RCC1L: variants seen among roughly 807,000 people sequenced by gnomAD.
RCC1L encodes RCC1 like, also known as RCC1-like G exchanging factor-like protein.
Under a neutral mutation model 58.6 loss-of-function variants are expected in RCC1L, and 46 were observed. The ratio of observed to expected loss-of-function variants is 0.79; its 90% confidence interval spans 0.62 to 1.00. The LOEUF is 1.00. Among genes scored for constraint, RCC1L ranks in the 50% least tolerant of loss-of-function variants. RCC1L has a pLI of 0.00. For synonymous variants in RCC1L, 281 were observed against 262.9 expected, an observed-to-expected ratio of 1.07 and a Z score of -0.67; for missense variants, 636 against 623.6, an observed-to-expected ratio of 1.02 and a Z score of -0.21.
intron 7 of RCC1L, 71 bp downstream of exon 7, chr7:75,058,517 C>G: frequency 6.5e-7 from 1 of 1,532,844 alleles, no homozygotes; most frequent in Non-Finnish European, 8.8e-7. Flanking sequence ...AGGTGTGAGC[C>G]ACCACACCCG....
chr7:75,068,746 T>C (rs1394676171), intron 2 of RCC1L, among the ~76,000 whole-genome samples: 1 of 151,946 alleles, frequency 6.6e-6, no homozygotes, highest in African/African-American at 2.4e-5. Context: ...AAACAAAATA[T>C]ATGCTATGTA....
At chr7:75,062,323 G>A (rs1248452109) in intron 5 of RCC1L, among the ~76,000 whole-genome samples, 1 of 152,086 alleles carries the variant, frequency 6.6e-6, no homozygotes, top group Non-Finnish European at 1.5e-5. Flanking sequence ...TTTGAGACCA[G>A]CCTGGCCAGC....
chr7:75,071,335 C>G (rs1226078197), intron 1 of RCC1L, among the ~76,000 whole-genome samples: 1 of 152,078 alleles, frequency 6.6e-6, no homozygotes, highest in Non-Finnish European at 1.5e-5. Context: ...CATCCCCATT[C>G]ACCAAGATCA....
At position 75,070,714 on chromosome 7, in the gene RCC1L, T is replaced by A; in HGVS notation, c.380A>T (p.Asp127Val). 6.2e-7 allele frequency: 1 copy of A among 1,614,088 alleles called. No homozygotes were observed. Among genetic ancestry groups the A allele is most frequent in the Non-Finnish European group, 8.5e-7 (1 of 1,180,030 alleles). ...GFTLLSSKTA[D>V]VTKVWGMGLN... ...TCCCATCCCCCAGACTTTCGTAACA[T>A]CCGCAGTCTTAGAGGACAGCAGTGT... is the stretch of plus-strand genomic sequence containing the variant. Residue 127 changes from aspartate to valine, a missense_variant, in exon 2 of 11, where the codon GAT (aspartate) becomes GTT (valine). Transcript: ENST00000610322.
In RCC1L at chr7:75,061,339, C is replaced by A. The variant is rs1806272782; in HGVS notation, c.703-48G>T. On this transcript the variant is annotated intron_variant, in intron 5 of 10. Transcript: ENST00000610322. ...GGGGATGAGAGGAAATACTTAGAAC[C>A]CTGGTGTCCTCATCCAAAGAAGGAC... The A allele has an allele frequency of 2.7e-5, 42 of 1,537,096 alleles. No homozygotes were observed. In the South Asian group the frequency reaches 4.5e-4, roughly 16 times the overall value.
chr7:75,068,084 C>T (rs1381040929), intron 2 of RCC1L, among the ~76,000 whole-genome samples: 3 of 152,028 alleles, frequency 2.0e-5, no homozygotes, highest in Non-Finnish European at 2.9e-5. Flanking sequence ...CTTTGGGAGG[C>T]CGAGGCAGGT....
chr7:75,072,488 C>T (rs1440417958), intron 1 of RCC1L, among the ~76,000 whole-genome samples: 4 of 151,858 alleles, frequency 2.6e-5, no homozygotes, highest in African/African-American at 9.7e-5. Context: ...GACACTACAC[C>T]GTTACGTACT....
At chr7:75,033,978 C>T (rs1805375719) in intron 10 of RCC1L, among the ~76,000 whole-genome samples, 2 of 152,102 alleles carry the variant, frequency 1.3e-5, no homozygotes, top group African/African-American at 4.8e-5. Flanking sequence ...TCAGCTGACT[C>T]GGGCAGGGGA....
chr7:75,040,989 G>A (rs1326922869), downstream of RCC1L, among the ~76,000 whole-genome samples: 1 of 151,956 alleles, frequency 6.6e-6, no homozygotes, highest in Non-Finnish European at 1.5e-5. Flanking sequence ...AGGCCAAGGT[G>A]AGCGGATCAC....
intron 1 of RCC1L, among the ~76,000 whole-genome samples, chr7:75,071,880 T>C (rs994678169): frequency 2.0e-5 from 3 of 151,622 alleles, no homozygotes; most frequent in African/African-American, 7.3e-5. Flanking sequence ...AAAGCCCTTA[T>C]AGGGAATAGT....
intron 10 of RCC1L, chr7:75,028,160 C>A: frequency 1.5e-6 from 2 of 1,321,830 alleles, no homozygotes; most frequent in Non-Finnish European, 1.0e-6. Flanking sequence ...CTCTGTCGCC[C>A]AGGCTGGAGT....
rs1009675387 is a variant in RCC1L, at chr7:75,031,599, A to G, written c.1318-3520T>C. Among the ~76,000 whole-genome samples, 21 of 151,892 alleles carry G rather than the reference A, an allele frequency of 1.4e-4. No individual in the cohort carries two copies. The South Asian group carries it at 4.4e-3, about 32-fold the overall frequency. ...ACCTGGTCTCATCTCTTTCTCCTCC[A>G]CACTGTGGTCGGGGGAACACAGGCC... is the stretch of plus-strand genomic sequence containing the variant. On this transcript the variant is annotated intron_variant, in intron 10 of 10. Coordinates refer to the RCC1L transcript ENST00000614461.
Position 75,073,504 on chromosome 7 carries a change from C to T in RCC1L, c.234G>A (p.Val78=), listed in dbSNP as rs112849947. ...GGGGCCCGGGCCCGGAGCTGGGCAC[C>T]ACAAAGGAAGGCACGCCCAGCGCCC... The part of the protein sequence containing the change: ...FSGALGVPSF[V]VPSSGPGPRA... Residue 78 remains valine (V), a synonymous_variant, in exon 1 of 11, where the codon GTG becomes GTA. Transcript: ENST00000610322. 3.1e-4 allele frequency: 440 copies of T among 1,425,900 alleles called. 2 individuals are homozygous for T. In the African/African-American group the frequency reaches 6.2e-3, roughly 20 times the overall value. The allele number at this position is 1,425,900 out of a possible 1,614,324, so 88.3% of individuals were successfully genotyped here. A position where few individuals can be genotyped will look rare whatever the true frequency, so the allele number is the denominator to read the frequency against.
chr7:75,059,332 G>C (rs1262779039), intron 6 of RCC1L, among the ~76,000 whole-genome samples: 1 of 149,190 alleles, frequency 6.7e-6, no homozygotes, highest in Non-Finnish European at 1.5e-5. Flanking sequence ...GTGCGATCTC[G>C]GCTCACTGCA....
chr7:75,051,506 C>T (rs1407630844), intron 10 of RCC1L, among the ~76,000 whole-genome samples: 1 of 151,860 alleles, frequency 6.6e-6, no homozygotes, highest in Non-Finnish European at 1.5e-5. Flanking sequence ...CTCTGCCTCC[C>T]GGGTTCAAGT....
chr7:75,027,860 T>C (rs2131962759), exon 11 of RCC1L: 1 of 759,634 alleles, frequency 1.3e-6, no homozygotes. Context: ...AGTGTGGTTT[T>C]TCCCAGGCAG....
chr7:75,028,194 TGCA>T, intron 10 of RCC1L: 1 of 958,588 alleles, frequency 1.0e-6, no homozygotes, highest in South Asian at 1.8e-5. Flanking sequence ...CTCAGCTCAC[TGCA>T]GCAACCTCCA....
chr7:75,073,205 C>G (rs962500265), intron 1 of RCC1L, among the ~76,000 whole-genome samples: 6 of 152,198 alleles, frequency 3.9e-5, no homozygotes, highest in Non-Finnish European at 1.5e-5. Context: ...TGACACGACC[C>G]GGCACAACAT....
At chr7:75,052,634 C>T in intron 10 of RCC1L, 77 bp downstream of exon 10, 1 of 1,400,976 alleles carries the variant, frequency 7.1e-7, no homozygotes, top group Non-Finnish European at 9.9e-7. Context: ...GGCCCATCTG[C>T]ACGCGAGGTG....
Sources: gnomAD v4.1 joint callset for allele counts (sites outside exome capture counted in the v4.1 genomes callset) on GRCh38, gnomAD v4.1.1 for gene constraint, MANE v1.5 for transcripts, NCBI Gene and HGNC (gene_info 2026-07-23, HGNC 2026-07-21) for gene names.